The following MDFIC variants were observed in gnomAD, a reference collection of about 807,000 sequenced individuals.
MDFIC encodes the protein myoD family inhibitor domain-containing protein.
In MDFIC, 17 loss-of-function variants were observed where a neutral mutation model predicts 23.2. That is an observed-to-expected ratio of 0.73 (90% CI 0.50 to 1.10). The LOEUF is 1.10. Among genes scored for constraint, MDFIC ranks in the 50% least tolerant of loss-of-function variants. The pLI is 0.00. For synonymous variants in MDFIC, 120 were observed against 115.2 expected (o/e 1.04, Z -0.27); for missense variants, 356 against 316.6 (o/e 1.12, Z -0.95).
At chr7:114,988,827 T>C (rs1451491127) in intron 4 of MDFIC, among the ~76,000 whole-genome samples, 2 of 152,150 alleles carry the variant, frequency 1.3e-5, no homozygotes, top group East Asian at 1.9e-4. Context: ...AATATACTTA[T>C]TCATATTTGT....
intron 3 of MDFIC, among the ~76,000 whole-genome samples, chr7:114,956,356 C>T (rs372590705): frequency 8.4e-5 from 11 of 130,900 alleles, no homozygotes; most frequent in Non-Finnish European, 1.9e-4. Context: ...TATACACACA[C>T]ACATATATAT....
intron 2 of MDFIC, among the ~76,000 whole-genome samples, chr7:114,933,672 G>T (rs927520048): frequency 6.6e-6 from 1 of 152,164 alleles, no homozygotes; most frequent in Non-Finnish European, 1.5e-5. Context: ...TTCTCGACAA[G>T]ATTAAGAAGG....
chr7:114,997,418 G>T (rs1412118269), intron 4 of MDFIC, among the ~76,000 whole-genome samples: 1 of 151,706 alleles, frequency 6.6e-6, no homozygotes, highest in Admixed American at 6.6e-5. Flanking sequence ...ATGTGTGTGT[G>T]TGTGTGTGCG....
At position 114,953,888 on chromosome 7, in the gene MDFIC, GA is replaced by G. The variant is rs549404872; in HGVS notation, c.217+11498del. On this transcript the variant is annotated intron_variant, in intron 3 of 4. Coordinates refer to ENST00000393486, the MANE Select transcript of MDFIC (RefSeq NM_001166345.3). ...CTATATTGTCTAGGGAATAATTAAA[GA>G]AAAAAAGTTTGCACATGGTCCAGAA... Among the ~76,000 whole-genome samples, 1,442 of 152,176 alleles carry G rather than the reference GA, an allele frequency of 9.5e-3. 6 individuals are homozygous for G. Among genetic ancestry groups the G allele is most frequent in the Non-Finnish European group, 0.016 (1,065 of 67,964 alleles).
rs184777975 is a variant in MDFIC, at chr7:114,981,891, T to C, written c.493+2110T>C. Among the ~76,000 whole-genome samples, 38 of 152,352 alleles carry C rather than the reference T, an allele frequency of 2.5e-4. No individual in the cohort carries two copies. In the South Asian group the frequency reaches 3.7e-3, roughly 15 times the overall value. ...AAGTTATGTTTATTCTCTGGCAATG[T>C]ACTGTAATAAAAACCAAAACCAAAA... On this transcript the variant is annotated intron_variant, in intron 4 of 4. Coordinates refer to ENST00000393486, the MANE Select transcript of MDFIC (RefSeq NM_001166345.3).
chr7:115,006,122 C>T (rs1791566213), intron 4 of MDFIC, among the ~76,000 whole-genome samples: 1 of 152,152 alleles, frequency 6.6e-6, no homozygotes, highest in Admixed American at 6.5e-5. Context: ...TCTGCACCTC[C>T]TGCTAGGGAT....
intron 3 of MDFIC, among the ~76,000 whole-genome samples, chr7:114,955,505 C>T (rs1356534199): frequency 6.6e-6 from 1 of 152,080 alleles, no homozygotes; most frequent in Non-Finnish European, 1.5e-5. Flanking sequence ...TGTTTATGAC[C>T]CTCTTCTCCA....
In MDFIC at chr7:114,998,247, TAGTATCAAAGTGTTATTC is replaced by T. The variant is rs1376489128; in HGVS notation, c.494-17439_494-17422del. Among the ~76,000 whole-genome samples, 3 of 152,276 alleles carry T rather than the reference TAGTATCAAAGTGTTATTC, an allele frequency of 2.0e-5. No individual in the cohort carries two copies. In the East Asian group the frequency reaches 5.8e-4, roughly 29 times the overall value. On this transcript the variant is annotated intron_variant, in intron 4 of 4. Coordinates refer to ENST00000393486, the MANE Select transcript of MDFIC (RefSeq NM_001166345.3). ...TATAAAGGGTATACATAGCGAAAAA[TAGTATCAAAGTGTTATTC>T]ATTGAATATAGCTTTCAACTTCAGT...
At chr7:114,924,288 T>C in intron 2 of MDFIC, among the ~76,000 whole-genome samples, 1 of 152,248 alleles carries the variant, frequency 6.6e-6, no homozygotes, top group East Asian at 1.9e-4. Flanking sequence ...ATCATTTTCC[T>C]GTCATTAGGC....
chr7:114,923,208 G>T (rs530152480), intron 2 of MDFIC, 81 bp downstream of exon 2: 13 of 1,488,890 alleles, frequency 8.7e-6, no homozygotes, highest in South Asian at 1.2e-5. Flanking sequence ...AGATAGGGGT[G>T]GGGGGAGTGC....
Position 114,922,267 on chromosome 7 carries a change from C to T in MDFIC, c.-477C>T. On this transcript the variant is annotated 5_prime_UTR_variant, in exon 1 of 5. Coordinates refer to ENST00000393486, the MANE Select transcript of MDFIC (RefSeq NM_001166345.3). ...GGGCCGCTAGCCAAGAGTTCGAGGC[C>T]TTCCCGATCCGGATGTGATGAAAAA... The T allele has an allele frequency of 1.3e-6, 1 of 756,378 alleles. No individual in the cohort carries two copies. Among genetic ancestry groups the T allele is most frequent in the Admixed American group, 4.3e-5 (1 of 23,060 alleles). The allele number at this position is 756,378 out of a possible 1,614,324, so 46.9% of individuals were successfully genotyped here.
At position 114,923,021 on chromosome 7, in the gene MDFIC, G is replaced by C. The variant is rs1180438309; in HGVS notation, c.-13G>C. On this transcript the variant is annotated 5_prime_UTR_variant, in exon 2 of 5. Coordinates refer to ENST00000393486, the MANE Select transcript of MDFIC (RefSeq NM_001166345.3). ...GGCGGCAGCGGCGCGGCGCGGGCTC[G>C]GCGGAGCGGCCCATGTCCGGCGCGG... The C allele has an allele frequency of 2.1e-6, 3 of 1,443,126 alleles. No individual in the cohort carries two copies. The highest frequency in any genetic ancestry group is 3.1e-5 in the East Asian group (1 of 32,318). 89.4% of individuals were successfully genotyped at this position (1,443,126 alleles called of 1,614,324 possible).
At chr7:115,015,212 A>G (rs1226340582) in intron 4 of MDFIC, among the ~76,000 whole-genome samples, 2 of 152,238 alleles carry the variant, frequency 1.3e-5, no homozygotes, top group East Asian at 3.8e-4. Flanking sequence ...TAATTTTTCA[A>G]TAATATATAA....
chr7:114,995,111 T>G lies in MDFIC; in HGVS notation c.493+15330T>G, dbSNP rs147094470. On this transcript the variant is annotated intron_variant, in intron 4 of 4. Coordinates refer to ENST00000393486, the MANE Select transcript of MDFIC (RefSeq NM_001166345.3). The stretch of plus-strand genomic sequence containing the variant: ...TTTCATTCATTTGATCTTCAGTCAC[T>G]GATACCCTTTCTTCCAGTTGATCGA... 4.3e-3 allele frequency among the ~76,000 whole-genome samples: 656 copies of G among 152,332 alleles called. 3 individuals are homozygous for G. The highest frequency in any genetic ancestry group is 0.013 in the African/African-American group (550 of 41,560).
intron 4 of MDFIC, among the ~76,000 whole-genome samples, chr7:115,007,891 G>A (rs1032528641): frequency 3.8e-5 from 5 of 131,368 alleles, no homozygotes; most frequent in Admixed American, 3.4e-4. Flanking sequence ...TAGAAACAGA[G>A]TTTTGTCATG....
At chr7:114,971,485 G>T (rs913143204) in intron 3 of MDFIC, among the ~76,000 whole-genome samples, 2 of 152,142 alleles carry the variant, frequency 1.3e-5, no homozygotes, top group Non-Finnish European at 2.9e-5. Context: ...TATCAGAAAA[G>T]CGTTCTGCAT....
Position 114,970,830 on chromosome 7 carries a change from G to A in MDFIC, c.218-8676G>A, listed in dbSNP as rs117972880. Among the ~76,000 whole-genome samples, 602 of 152,254 alleles carry A rather than the reference G, an allele frequency of 4.0e-3. 2 individuals are homozygous for A. Among genetic ancestry groups the A allele is most frequent in the Non-Finnish European group, 6.8e-3 (464 of 68,032 alleles). On this transcript the variant is annotated intron_variant, in intron 3 of 4. Transcript: ENST00000393486. ...ATGACTTTAGTGGTCTCAGATCCCTGGCTACCAAGGCTGTTCCTTAGTTTG... is the reference window on the plus strand; with the variant it reads ...ATGACTTTAGTGGTCTCAGATCCCTAGCTACCAAGGCTGTTCCTTAGTTTG...
At chr7:114,960,179 T>G (rs1251798725) in intron 3 of MDFIC, among the ~76,000 whole-genome samples, 2 of 152,252 alleles carry the variant, frequency 1.3e-5, no homozygotes, top group Middle Eastern at 3.4e-3. Context: ...TGGTGAAGGG[T>G]CAAATATGAA....
chr7:114,939,740 A>G (rs988794311), intron 2 of MDFIC, among the ~76,000 whole-genome samples: 56 of 152,312 alleles, frequency 3.7e-4, no homozygotes, highest in Middle Eastern at 3.4e-3. Context: ...GGCTTTATTC[A>G]TACCTATTTT....
Sources: gnomAD v4.1 joint callset for allele counts (sites outside exome capture counted in the v4.1 genomes callset) on GRCh38, gnomAD v4.1.1 for gene constraint, MANE v1.5 for transcripts, NCBI Gene and HGNC (gene_info 2026-07-23, HGNC 2026-07-21) for gene names.